The following PON2 variants were observed in gnomAD, a reference collection of about 807,000 sequenced individuals.
PON2 encodes paraoxonase 2.
In PON2, 27 loss-of-function variants were observed where a neutral mutation model predicts 36.6. The observed-to-expected ratio is 0.74, with a 90% CI of 0.54 to 1.02. The LOEUF (loss-of-function observed/expected upper bound fraction) is 1.02. Among genes scored for constraint, PON2 ranks in the 50% least tolerant of loss-of-function variants. PON2 has a pLI of 0.00. For missense variants in PON2, 363 were observed against 421.1 expected, an observed-to-expected ratio of 0.86 and a Z score of 1.21; for synonymous variants, 149 against 156.3, an observed-to-expected ratio of 0.95 and a Z score of 0.35.
At chr7:95,423,242 A>G (rs967600340) in intron 2 of PON2, among the ~76,000 whole-genome samples, 3 of 149,612 alleles carry the variant, frequency 2.0e-5, no homozygotes, top group African/African-American at 7.4e-5. Flanking sequence ...GGATCGCTTG[A>G]GCCCAGGATA....
chr7:95,412,351 A>G lies in PON2; in HGVS notation c.328T>C (p.Ser110Pro). The change falls in exon 4 of 9, where the codon TCA (serine) becomes CCA (proline). Residue 110 changes from serine to proline, a missense_variant. Coordinates refer to ENST00000222572, the MANE Select transcript of PON2 (RefSeq NM_000305.3). ...GTGCTGATGCCATGTGGATTGAATG[A>G]GGCCAAATCAAACCCACGACTGATT... ...LRISRGFDLA[S>P]FNPHGISTFI... The G allele has an allele frequency of 1.9e-6, 3 of 1,614,156 alleles. No individual in the cohort carries two copies. The highest frequency in any genetic ancestry group is 1.7e-6 in the Non-Finnish European group (2 of 1,180,014).
intron 1 of PON2, 36 bp from the exon 2 acceptor site, chr7:95,424,621 T>C: frequency 6.5e-7 from 1 of 1,532,108 alleles, no homozygotes; most frequent in Non-Finnish European, 9.0e-7. Context: ...AACAAAAAAC[T>C]ATTTGTTTAT....
intron 1 of PON2, among the ~76,000 whole-genome samples, chr7:95,425,152 A>T (rs912142771): frequency 6.6e-6 from 1 of 152,166 alleles, no homozygotes; most frequent in African/African-American, 2.4e-5. Flanking sequence ...TTATTTCAAT[A>T]GCTTTTGGGG....
At chr7:95,422,590 A>AT (rs1789218786) in intron 2 of PON2, among the ~76,000 whole-genome samples, 1 of 152,160 alleles carries the variant, frequency 6.6e-6, no homozygotes, top group Non-Finnish European at 1.5e-5. Flanking sequence ...GACCTCACTT[A>AT]TGTTTTTAAA....
intron 2 of PON2, among the ~76,000 whole-genome samples, chr7:95,421,109 G>A (rs1339127744): frequency 1.3e-5 from 2 of 152,194 alleles, no homozygotes; most frequent in African/African-American, 2.4e-5. Flanking sequence ...CACTTCACAA[G>A]AGGGGCCATA....
chr7:95,405,695 T>C (rs1185772410), intron 8 of PON2, among the ~76,000 whole-genome samples: 1 of 152,244 alleles, frequency 6.6e-6, no homozygotes, highest in Non-Finnish European at 1.5e-5. Context: ...AGTTATTCCA[T>C]GCCAACACAG....
chr7:95,405,968 T>G, intron 8 of PON2, 151 bp downstream of exon 8: 1 of 822,282 alleles, frequency 1.2e-6, no homozygotes, highest in South Asian at 1.7e-5. Flanking sequence ...TTCTGCCAAT[T>G]ATTGGCTTAA....
intron 1 of PON2, 112 bp from the exon 2 acceptor site, chr7:95,424,697 A>C: frequency 1.3e-6 from 1 of 750,958 alleles, no homozygotes; most frequent in Non-Finnish European, 2.2e-6. Flanking sequence ...ACACAGTTTA[A>C]GTCTAAAGCA....
At chr7:95,421,371 G>A (rs1789188596) in intron 2 of PON2, among the ~76,000 whole-genome samples, 1 of 152,186 alleles carries the variant, frequency 6.6e-6, no homozygotes. Context: ...CCAGGGCCAA[G>A]GGCTGTTTAA....
At chr7:95,419,963 A>G (rs963759049) in intron 2 of PON2, among the ~76,000 whole-genome samples, 3 of 152,228 alleles carry the variant, frequency 2.0e-5, no homozygotes, top group Non-Finnish European at 4.4e-5. Context: ...CCAATAGAGC[A>G]TCCCATATGT....
chr7:95,424,917 G>A (rs1002720644), intron 1 of PON2, among the ~76,000 whole-genome samples: 9 of 152,072 alleles, frequency 5.9e-5, no homozygotes, highest in Non-Finnish European at 1.2e-4. Context: ...TTGGTGTTGT[G>A]GGAAAAGAGT....
rs534896718 is a variant in PON2, at chr7:95,421,249, C to T, written c.145+3266G>A. On this transcript the variant is annotated intron_variant, in intron 2 of 8. Transcript: ENST00000222572. ...GCTGGGCTTGTTTTTCTCTGAGGAG[C>T]GCTCCATCCCAGTGAGTTGTAAGAG... is the stretch of plus-strand genomic sequence containing the variant. 7.2e-5 allele frequency among the ~76,000 whole-genome samples: 11 copies of T among 152,306 alleles called. 1 individual carries two copies. The East Asian group carries it at 7.7e-4, about 11-fold the overall frequency.
chr7:95,409,864 C>A, intron 6 of PON2, 37 bp downstream of exon 6: 1 of 1,597,614 alleles, frequency 6.3e-7, no homozygotes, highest in Non-Finnish European at 8.6e-7. Flanking sequence ...AGCACCACAA[C>A]TGAAGAAAAA....
intron 2 of PON2, among the ~76,000 whole-genome samples, chr7:95,422,670 C>T (rs1173915818): frequency 6.6e-6 from 1 of 152,132 alleles, no homozygotes; most frequent in African/African-American, 2.4e-5. Flanking sequence ...AACAATGTTA[C>T]CTATTCAGAG....
At chr7:95,428,718 T>C (rs1260148686) in intron 1 of PON2, among the ~76,000 whole-genome samples, 1 of 152,250 alleles carries the variant, frequency 6.6e-6, no homozygotes, top group Non-Finnish European at 1.5e-5. Context: ...TGTGTAATCC[T>C]ATATATTTTA....
Position 95,422,704 on chromosome 7 carries a change from G to A in PON2, c.145+1811C>T, listed in dbSNP as rs575903454. Reference sequence around the variant, plus strand: ...AGAAGAGAACATTTCCATGTAACCCGAGTTTTAATTTCTAAAGAGTAAAAC... The same window carrying A: ...AGAAGAGAACATTTCCATGTAACCCAAGTTTTAATTTCTAAAGAGTAAAAC... On this transcript the variant is annotated intron_variant, in intron 2 of 8. Transcript: ENST00000222572. Among the ~76,000 whole-genome samples the A allele has an allele frequency of 7.9e-5, 12 of 152,238 alleles. No homozygotes were observed. The South Asian group carries it at 1.5e-3, about 18-fold the overall frequency.
rs1789356761 is a variant in PON2, at chr7:95,428,073, T to C, written c.75-3488A>G. ...TTGCCACTCTGCTGTCATGCAGGAA[T>C]TGCTAATCAATAACAGCACTCTCCC... On this transcript the variant is annotated intron_variant, in intron 1 of 8. Transcript: ENST00000222572. Among the ~76,000 whole-genome samples the C allele has an allele frequency of 3.3e-5, 5 of 152,172 alleles. No individual in the cohort carries two copies. In the South Asian group the frequency reaches 1.0e-3, roughly 32 times the overall value.
intron 1 of PON2, among the ~76,000 whole-genome samples, chr7:95,433,593 C>T (rs1280587557): frequency 7.1e-6 from 1 of 140,816 alleles, no homozygotes; most frequent in Non-Finnish European, 1.6e-5. Context: ...CACTATTGGG[C>T]CTATGAAAGT....
chr7:95,434,848 C>A, intron 1 of PON2, 30 bp downstream of exon 1: 1 of 1,535,244 alleles, frequency 6.5e-7, no homozygotes, highest in South Asian at 1.2e-5. Context: ...TGGGGACCGC[C>A]GAGGAGGGGC....
Sources: gnomAD v4.1 joint callset for allele counts (sites outside exome capture counted in the v4.1 genomes callset) on GRCh38, gnomAD v4.1.1 for gene constraint, MANE v1.5 for transcripts, NCBI Gene and HGNC (gene_info 2026-07-23, HGNC 2026-07-21) for gene names.